FAM219A: variants seen among roughly 807,000 people sequenced by gnomAD.
FAM219A encodes family with sequence similarity 219 member A.
In FAM219A, 7 loss-of-function variants were observed where a neutral mutation model predicts 23.4. That is an observed-to-expected ratio of 0.30 (90% CI 0.17 to 0.56). The LOEUF (loss-of-function observed/expected upper bound fraction) is 0.56. Among genes scored for constraint, FAM219A ranks in the 20% least tolerant of loss-of-function variants. FAM219A has a pLI of 0.92. For synonymous variants in FAM219A, 93 were observed against 99.0 expected (o/e 0.94, Z 0.36); for missense variants, 166 against 246.9 (o/e 0.67, Z 2.20).
At chr9:34,411,779 TAG>T (rs1821833352) in intron 1 of FAM219A, among the ~76,000 whole-genome samples, 1 of 151,202 alleles carries the variant, frequency 6.6e-6, no homozygotes, top group Non-Finnish European at 1.5e-5. Context: ...CATATAAAAG[TAG>T]AGAGAATGGG....
chr9:34,398,625 T>C lies in FAM219A; in HGVS notation c.*2339A>G. 4 of 523,132 alleles carry C rather than the reference T, an allele frequency of 7.6e-6. No individual in the cohort carries two copies. Among genetic ancestry groups the C allele is most frequent in the South Asian group, 7.3e-5 (3 of 41,316 alleles). The allele number at this position is 523,132 out of a possible 1,614,324, so 32.4% of individuals were successfully genotyped here. On this transcript the variant is annotated 3_prime_UTR_variant, in exon 6 of 6. Coordinates refer to ENST00000651358, the MANE Select transcript of FAM219A (RefSeq NM_001184940.2). ...CCCTGGTGTCTCAGGGCCACAGAGATTGAACAATGGGCCCGAGTCACACTG... is the reference window on the plus strand; with the variant it reads ...CCCTGGTGTCTCAGGGCCACAGAGACTGAACAATGGGCCCGAGTCACACTG...
chr9:34,426,530 C>T (rs1321914409), intron 1 of FAM219A, among the ~76,000 whole-genome samples: 4 of 152,188 alleles, frequency 2.6e-5, no homozygotes, highest in East Asian at 3.8e-4. Context: ...CTGATGTTAT[C>T]GGCCTCACAG....
intron 1 of FAM219A, among the ~76,000 whole-genome samples, chr9:34,449,583 G>A (rs902382535): frequency 6.6e-6 from 1 of 152,166 alleles, no homozygotes; most frequent in Non-Finnish European, 1.5e-5. Flanking sequence ...AATGGTGTGG[G>A]TTATAAAAGA....
intron 1 of FAM219A, among the ~76,000 whole-genome samples, chr9:34,445,926 G>C (rs901146774): frequency 2.0e-4 from 30 of 152,306 alleles, no homozygotes; most frequent in African/African-American, 6.7e-4. Flanking sequence ...TGTAATCCCA[G>C]CACTTTGGGA....
At chr9:34,402,914 A>G (rs567348744) in intron 2 of FAM219A, 107 bp from the exon 3 acceptor site, 2 of 912,536 alleles carry the variant, frequency 2.2e-6, no homozygotes, top group African/African-American at 3.3e-5. Context: ...ACTTGCTCCT[A>G]GAAGGACTGA....
intron 1 of FAM219A, among the ~76,000 whole-genome samples, chr9:34,444,081 C>T (rs907937420): frequency 6.6e-6 from 1 of 152,202 alleles, no homozygotes; most frequent in Non-Finnish European, 1.5e-5. Context: ...TCACTGAGTC[C>T]TCTAGGCCAG....
chr9:34,405,932 G>C lies in FAM219A; in HGVS notation c.93C>G (p.Asp31Glu). 1 of 1,613,286 alleles carries C rather than the reference G, an allele frequency of 6.2e-7. No homozygotes were observed. Among genetic ancestry groups the C allele is most frequent in the East Asian group, 2.2e-5 (1 of 44,862 alleles). ...CTGACTCACCCTCCCGGGCGTCACA[G>C]TCTCCGTCAGAGATGGAGGCGGCGG... ...DPAAASISDG[D>E]CDAREGESVA... Residue 31 changes from aspartate (D) to glutamate (E), a missense_variant, in exon 2 of 6, where the codon GAC (aspartate) becomes GAG (glutamate). This residue lies in a region of FAM219A where 89 missense variants were observed against 98.8 expected (regional missense o/e 0.90). Coordinates refer to ENST00000651358, the MANE Select transcript of FAM219A (RefSeq NM_001184940.2).
intron 1 of FAM219A, among the ~76,000 whole-genome samples, chr9:34,413,042 G>C (rs1205925096): frequency 6.6e-6 from 1 of 152,142 alleles, no homozygotes; most frequent in Non-Finnish European, 1.5e-5. Flanking sequence ...CTGAGGGGAA[G>C]GAAGCTGTGT....
chr9:34,400,601 C>A lies in FAM219A; in HGVS notation c.*363G>T, dbSNP rs949489151. On this transcript the variant is annotated 3_prime_UTR_variant, in exon 6 of 6. Transcript: ENST00000651358. ...ATGGCTTCGCTGGGGTGGGGCCAAG[C>A]CCCTGGCTTTGTGATCCCCCCACTC... 13 of 185,866 alleles carry A rather than the reference C, an allele frequency of 7.0e-5. No homozygotes were observed. The highest frequency in any genetic ancestry group is 1.2e-4 in the Non-Finnish European group (11 of 90,412). The allele number at this position is 185,866 out of a possible 1,614,324, so 11.5% of individuals were successfully genotyped here.
chr9:34,451,449 C>T (rs776040739), intron 1 of FAM219A, among the ~76,000 whole-genome samples: 15 of 152,198 alleles, frequency 9.9e-5, no homozygotes, highest in South Asian at 2.1e-4. Flanking sequence ...CCTTTCCACA[C>T]GCTCTGGAGC....
Position 34,417,529 on chromosome 9 carries a change from A to G in FAM219A, c.61-11565T>C, listed in dbSNP as rs550965204. Among the ~76,000 whole-genome samples, 288 of 152,312 alleles carry G rather than the reference A, an allele frequency of 1.9e-3. 1 individual carries two copies. Among genetic ancestry groups the G allele is most frequent in the Middle Eastern group, 3.4e-3 (1 of 294 alleles). On this transcript the variant is annotated intron_variant, in intron 1 of 5. Coordinates refer to ENST00000651358, the MANE Select transcript of FAM219A (RefSeq NM_001184940.2). This position sits in a 1 kb window ranked among gnomAD's most constrained non-coding sequence, Gnocchi z 4.1. ...TCCACATATATTTACATTTAGGATC[A>G]TTTCCTAAATAAAGTAGATTACTCA...
chr9:34,448,164 C>T (rs1823436259), intron 1 of FAM219A, among the ~76,000 whole-genome samples: 1 of 152,226 alleles, frequency 6.6e-6, no homozygotes, highest in South Asian at 2.1e-4. Context: ...AGCCACTGCA[C>T]CTGGCCCCTT....
chr9:34,415,106 A>T (rs1171105318), intron 1 of FAM219A, among the ~76,000 whole-genome samples: 6 of 136,484 alleles, frequency 4.4e-5, no homozygotes. Context: ...ACACATAGCC[A>T]CTATGCCTGG....
chr9:34,429,109 T>A (rs1261584678), intron 1 of FAM219A, among the ~76,000 whole-genome samples: 1 of 152,212 alleles, frequency 6.6e-6, no homozygotes, highest in Non-Finnish European at 1.5e-5. Flanking sequence ...CCAAAAGTTC[T>A]TTTCTTCTCC....
chr9:34,445,100 C>G lies in FAM219A; in HGVS notation c.60+13104G>C, dbSNP rs575882938. 1.7e-4 allele frequency among the ~76,000 whole-genome samples: 26 copies of G among 152,346 alleles called. No individual in the cohort carries two copies. In the South Asian group the frequency reaches 5.4e-3, roughly 32 times the overall value. The stretch of plus-strand genomic sequence containing the variant: ...TCCCCAACATGTGGCTTCCACTCTA[C>G]TAATTCTCACCTACTCATCCCCCTC... On this transcript the variant is annotated intron_variant, in intron 1 of 5. Transcript: ENST00000651358.
chr9:34,456,395 A>T (rs2132027993), intron 1 of FAM219A, among the ~76,000 whole-genome samples: 1 of 152,314 alleles, frequency 6.6e-6, no homozygotes, highest in Middle Eastern at 3.4e-3. Flanking sequence ...AGAAGCACCA[A>T]GGACAACTGA....
At chr9:34,453,366 T>C (rs927834723) in intron 1 of FAM219A, among the ~76,000 whole-genome samples, 1 of 152,176 alleles carries the variant, frequency 6.6e-6, no homozygotes, top group Non-Finnish European at 1.5e-5. Context: ...CAGGAAGCAG[T>C]AGGAGTCTGA....
chr9:34,409,426 A>G (rs1347654200), intron 1 of FAM219A, among the ~76,000 whole-genome samples: 7 of 152,256 alleles, frequency 4.6e-5, no homozygotes. Context: ...GGGAGAATTT[A>G]AAGTGCCCCC....
chr9:34,413,397 T>TG (rs1222989446), intron 1 of FAM219A, among the ~76,000 whole-genome samples: 1 of 152,164 alleles, frequency 6.6e-6, no homozygotes, highest in Non-Finnish European at 1.5e-5. Flanking sequence ...CACCCAGCCA[T>TG]GATCCAGTCC....
Sources: gnomAD v4.1 joint callset for allele counts (sites outside exome capture counted in the v4.1 genomes callset) on GRCh38, gnomAD v4.1.1 for gene constraint, gnomAD v4.1.1 regional missense constraint, Gnocchi (gnomAD v3.1) non-coding constraint, MANE v1.5 for transcripts, NCBI Gene and HGNC (gene_info 2026-07-23, HGNC 2026-07-21) for gene names.